Variants in COL24A1 observed in about 807,000 individuals in gnomAD.
COL24A1 encodes collagen type XXIV alpha 1 chain.
A neutral mutation model predicts 253.9 loss-of-function variants in COL24A1; 224 were observed. That is an observed-to-expected ratio of 0.88 (90% CI 0.79 to 0.99). The LOEUF is 0.99. COL24A1 is among the 50% of genes least tolerant of loss of function. The probability of loss-of-function intolerance (pLI) is 0.00; values close to 1 mark genes in which losing one functional copy is unlikely to be tolerated. For synonymous variants in COL24A1, 685 were observed against 673.7 expected, an observed-to-expected ratio of 1.02 and a Z score of -0.26; for missense variants, 2,131 against 2,068.5, an observed-to-expected ratio of 1.03 and a Z score of -0.59.
chr1:85,764,930 T>C (rs77329135), intron 53 of COL24A1, among the ~76,000 whole-genome samples: 8,040 of 152,212 alleles, frequency 0.053, 305 homozygotes, highest in Middle Eastern at 0.085. Context: ...GTTTTTTATC[T>C]GGATAAAGAA....
chr1:85,916,362 G>T (rs557017279), intron 24 of COL24A1, among the ~76,000 whole-genome samples: 1 of 152,294 alleles, frequency 6.6e-6, no homozygotes, highest in South Asian at 2.1e-4. Flanking sequence ...GGCATAATTG[G>T]AAGATAGAGG....
intron 37 of COL24A1, among the ~76,000 whole-genome samples, chr1:85,851,458 G>A (rs1251029900): frequency 2.0e-5 from 3 of 152,078 alleles, no homozygotes; most frequent in Non-Finnish European, 4.4e-5. Context: ...TATAGGGTAT[G>A]TACCCTGGAA....
chr1:85,746,778 C>T (rs1027853621), intron 55 of COL24A1, among the ~76,000 whole-genome samples: 1 of 152,132 alleles, frequency 6.6e-6, no homozygotes, highest in East Asian at 1.9e-4. Flanking sequence ...GGAGCATGGA[C>T]TATTCAAGTA....
intron 11 of COL24A1, among the ~76,000 whole-genome samples, chr1:86,047,792 G>C (rs911607132): frequency 2.6e-5 from 4 of 151,880 alleles, no homozygotes; most frequent in South Asian, 2.1e-4. Context: ...ATTTAAGCCA[G>C]TTTGAATTGT....
At chr1:85,845,944 C>CT (rs1206791362) in intron 39 of COL24A1, among the ~76,000 whole-genome samples, 4 of 151,690 alleles carry the variant, frequency 2.6e-5, no homozygotes, top group Non-Finnish European at 4.4e-5. Context: ...AAGAGTCAAA[C>CT]TTTTTTGTAA....
chr1:85,821,347 G>A (rs1408527305), intron 45 of COL24A1, among the ~76,000 whole-genome samples: 1 of 152,054 alleles, frequency 6.6e-6, no homozygotes, highest in African/African-American at 2.4e-5. Flanking sequence ...ATAATAACAG[G>A]AGCTAGGAAA....
At chr1:86,028,753 C>A (rs929032086) in intron 14 of COL24A1, among the ~76,000 whole-genome samples, 1 of 152,196 alleles carries the variant, frequency 6.6e-6, no homozygotes, top group African/African-American at 2.4e-5. Context: ...AGAAGATCCA[C>A]TTATTTTTAC....
At chr1:86,121,733 A>T (rs1647384791) in intron 3 of COL24A1, among the ~76,000 whole-genome samples, 1 of 152,192 alleles carries the variant, frequency 6.6e-6, no homozygotes, top group Non-Finnish European at 1.5e-5. Context: ...ACCATTCATC[A>T]TCACAAATGA....
chr1:86,077,209 A>T (rs576854713), intron 7 of COL24A1, among the ~76,000 whole-genome samples: 1 of 152,344 alleles, frequency 6.6e-6, no homozygotes, highest in African/African-American at 2.4e-5. Flanking sequence ...TCTCAAAGGA[A>T]GACATTTATG....
intron 19 of COL24A1, among the ~76,000 whole-genome samples, chr1:85,993,058 G>C (rs1694437008): frequency 6.6e-6 from 1 of 152,018 alleles, no homozygotes; most frequent in Non-Finnish European, 1.5e-5. Context: ...CTAGAGGCTG[G>C]AGACTAATTC....
At position 86,124,917 on chromosome 1, in the gene COL24A1, A is replaced by G. The variant is rs1440099784; in HGVS notation, c.1419T>C (p.Tyr473=). 2 of 1,611,248 alleles carry G rather than the reference A, an allele frequency of 1.2e-6. No homozygotes were observed. Among genetic ancestry groups the G allele is most frequent in the Admixed American group, 1.7e-5 (1 of 59,664 alleles). Residue 473 remains tyrosine (Y), a synonymous_variant, in exon 3 of 60, where the codon TAT becomes TAC. Coordinates refer to ENST00000370571, the MANE Select transcript of COL24A1 (RefSeq NM_152890.7). The part of the protein sequence containing the change: ...NSYETELYDY[Y]YYEDLNTMLE... ...GCATTGTATTTAGATCCTCATAATA[A>G]TAATAATCATAAAGCTCAGTTTCAT...
At chr1:85,955,959 C>A (rs561905376) in intron 24 of COL24A1, among the ~76,000 whole-genome samples, 1 of 152,228 alleles carries the variant, frequency 6.6e-6, no homozygotes, top group South Asian at 2.1e-4. Flanking sequence ...TATTACAGAG[C>A]AAAATTTTAT....
chr1:85,744,748 G>T lies in COL24A1; in HGVS notation c.4590C>A (p.Ser1530Arg). The T allele has an allele frequency of 6.2e-7, 1 of 1,607,988 alleles. No homozygotes were observed. The highest frequency in any genetic ancestry group is 8.5e-7 in the Non-Finnish European group (1 of 1,177,976). ...TLNYLSNLLH[S>R]IKNPLGTRDN... is the part of the protein sequence containing the mutation. ...CTCGTGTGCCAAGAGGATTCTTGAT[G>T]CTGTGCAATAAATTGCTAAGGTAGT... is the stretch of plus-strand genomic sequence containing the variant. The change falls in exon 57 of 60, where the codon AGC becomes AGA. Residue 1530 changes from serine (S) to arginine (R), a missense_variant. Transcript: ENST00000370571.
chr1:85,798,994 A>T (rs891655887), intron 47 of COL24A1, among the ~76,000 whole-genome samples: 1 of 152,124 alleles, frequency 6.6e-6, no homozygotes, highest in African/African-American at 2.4e-5. Context: ...CTATGCTTGT[A>T]CAGAAGTTGA....
chr1:86,147,617 G>T (rs1187893129), intron 1 of COL24A1, among the ~76,000 whole-genome samples: 1 of 152,188 alleles, frequency 6.6e-6, no homozygotes. Context: ...AAAAAATGCA[G>T]ATTTTGGGCC....
intron 24 of COL24A1, among the ~76,000 whole-genome samples, chr1:85,934,244 A>G (rs758634822): frequency 2.0e-4 from 30 of 152,340 alleles, no homozygotes; most frequent in Non-Finnish European, 3.4e-4. Flanking sequence ...CTCATTAGAA[A>G]TGCATAACTG....
At chr1:86,121,409 T>G (rs1437787308) in intron 3 of COL24A1, among the ~76,000 whole-genome samples, 1 of 152,050 alleles carries the variant, frequency 6.6e-6, no homozygotes, top group Non-Finnish European at 1.5e-5. Flanking sequence ...GTGAAAAAAA[T>G]TATTTACCAG....
chr1:85,939,398 T>G (rs1310066305), intron 24 of COL24A1, among the ~76,000 whole-genome samples: 1 of 152,160 alleles, frequency 6.6e-6, no homozygotes, highest in Non-Finnish European at 1.5e-5. Context: ...AAACACAGAA[T>G]GTTTTATCCT....
intron 2 of COL24A1, among the ~76,000 whole-genome samples, chr1:86,139,978 A>G (rs531535366): frequency 5.9e-5 from 9 of 152,328 alleles, no homozygotes; most frequent in African/African-American, 1.9e-4. Flanking sequence ...TCACTGAATT[A>G]AGGAACTAAA....
Sources: gnomAD v4.1 joint callset for allele counts (sites outside exome capture counted in the v4.1 genomes callset) on GRCh38, gnomAD v4.1.1 for gene constraint, MANE v1.5 for transcripts, NCBI Gene and HGNC (gene_info 2026-07-23, HGNC 2026-07-21) for gene names.